CABLES1: variants seen among roughly 807,000 people sequenced by gnomAD.
The protein encoded by CABLES1 is CDK5 and ABL1 enzyme substrate 1.
In CABLES1, 36 loss-of-function variants were observed where a neutral mutation model predicts 57.8. The observed-to-expected ratio is 0.62, with a 90% CI of 0.48 to 0.82. The LOEUF (loss-of-function observed/expected upper bound fraction) is 0.82, where lower values mean the gene tolerates loss of function less well. Among genes scored for constraint, CABLES1 ranks in the 40% least tolerant of loss-of-function variants. The probability of loss-of-function intolerance (pLI) is 0.00; values close to 1 mark genes in which losing one functional copy is unlikely to be tolerated. For missense variants in CABLES1, 767 were observed against 836.6 expected (o/e 0.92, Z 1.03); for synonymous variants, 374 against 363.0 (o/e 1.03, Z -0.35).
At chr18:23,223,504 G>T (rs541388622) in intron 4 of CABLES1, among the ~76,000 whole-genome samples, 2 of 151,684 alleles carry the variant, frequency 1.3e-5, no homozygotes, top group East Asian at 3.9e-4. Context: ...CTTGAGCCCG[G>T]GAGGTGGAGG....
Position 23,135,610 on chromosome 18 carries a change from T to C in CABLES1, c.-153T>C. 2 of 438,892 alleles carry C rather than the reference T, an allele frequency of 4.6e-6. No homozygotes were observed. Among genetic ancestry groups the C allele is most frequent in the Non-Finnish European group, 6.0e-6 (2 of 333,750 alleles). The allele number at this position is 438,892 out of a possible 1,614,324, so 27.2% of individuals were successfully genotyped here. On this transcript the variant is annotated 5_prime_UTR_variant, in exon 1 of 10. An upstream start codon of the reference 5' UTR is lost. Transcript: ENST00000256925. ...CATCCCCAGCACCGAGGGGCGAGCA[T>C]GGCCCGCCCGCGGGGGGGCTGGACC...
intron 4 of CABLES1, among the ~76,000 whole-genome samples, chr18:23,222,544 A>G: frequency 6.8e-6 from 1 of 147,980 alleles, no homozygotes; most frequent in East Asian, 2.0e-4. Context: ...CTCTCTCTCT[A>G]TATATATCTA....
intron 1 of CABLES1, among the ~76,000 whole-genome samples, chr18:23,174,821 C>CAT (rs569579022): frequency 0.082 from 7,674 of 94,090 alleles, 315 homozygotes; most frequent in Non-Finnish European, 0.095. Flanking sequence ...CATGTTACAC[C>CAT]ATATATATAT....
chr18:23,136,976 A>C (rs2046827275), intron 1 of CABLES1, among the ~76,000 whole-genome samples: 1 of 152,118 alleles, frequency 6.6e-6, no homozygotes, highest in African/African-American at 2.4e-5. Context: ...GCGTGGGGCG[A>C]GACTCGGCCG....
At chr18:23,151,608 C>A (rs2046931246) in intron 1 of CABLES1, among the ~76,000 whole-genome samples, 1 of 152,118 alleles carries the variant, frequency 6.6e-6, no homozygotes, top group African/African-American at 2.4e-5. Context: ...GACTGCAGGC[C>A]TGGGGTGAGT....
intron 4 of CABLES1, among the ~76,000 whole-genome samples, chr18:23,234,149 C>T (rs1356254507): frequency 6.6e-6 from 1 of 152,144 alleles, no homozygotes; most frequent in Admixed American, 6.5e-5. Context: ...ACCTGGGAGG[C>T]AGAAGTTGCA....
chr18:23,179,856 T>C (rs1414380642), intron 1 of CABLES1, among the ~76,000 whole-genome samples: 4 of 152,272 alleles, frequency 2.6e-5, no homozygotes, highest in African/African-American at 9.6e-5. Flanking sequence ...AGCTGACTTT[T>C]TTTTCTTCAT....
chr18:23,177,916 G>A (rs909502747), intron 1 of CABLES1, among the ~76,000 whole-genome samples: 1 of 152,192 alleles, frequency 6.6e-6, no homozygotes, highest in African/African-American at 2.4e-5. Context: ...GCTCAGGGAA[G>A]CCCTTTGCAG....
chr18:23,200,267 ATT>A (rs139660615), intron 3 of CABLES1, among the ~76,000 whole-genome samples: 1 of 147,588 alleles, frequency 6.8e-6, no homozygotes, highest in South Asian at 2.2e-4. Context: ...GAGAGGGTAG[ATT>A]TTTTTTTTTA....
intron 7 of CABLES1, among the ~76,000 whole-genome samples, chr18:23,246,436 G>C (rs538856712): frequency 2.6e-5 from 4 of 152,060 alleles, no homozygotes; most frequent in Non-Finnish European, 5.9e-5. Context: ...CTGTCGCCCA[G>C]GCTGAAGTGC....
chr18:23,174,075 G>C (rs116626264), intron 1 of CABLES1, among the ~76,000 whole-genome samples: 1,606 of 152,242 alleles, frequency 0.011, 14 homozygotes, highest in Middle Eastern at 0.031. Flanking sequence ...CCCTCAAAAA[G>C]AAATCCCATG....
At position 23,136,233 on chromosome 18, in the gene CABLES1, G is replaced by A; in HGVS notation, c.471G>A (p.Val157=). ...PPLIPGGHAT[V]SGPGVARGFA... ...TGATTCCTGGCGGCCATGCGACCGT[G>A]TCCGGCCCCGGGGTGGCGCGGGGGT... Residue 157 remains valine (V), a synonymous_variant, in exon 1 of 10, where the codon GTG becomes GTA. Coordinates refer to ENST00000256925, the MANE Select transcript of CABLES1 (RefSeq NM_001100619.3). The A allele has an allele frequency of 7.8e-7, 1 of 1,280,514 alleles. No homozygotes were observed. Among genetic ancestry groups the A allele is most frequent in the Non-Finnish European group, 9.8e-7 (1 of 1,018,070 alleles). 79.3% of individuals were successfully genotyped at this position (1,280,514 alleles called of 1,614,324 possible). A position where few individuals can be genotyped will look rare whatever the true frequency, so the allele number is the denominator to read the frequency against.
chr18:23,155,853 A>T, intron 1 of CABLES1: 1 of 1,612,446 alleles, frequency 6.2e-7, no homozygotes, highest in Non-Finnish European at 8.5e-7. Flanking sequence ...TGTTTGAATG[A>T]CTCATAAAAT....
chr18:23,217,880 G>T (rs2047453652), intron 4 of CABLES1, among the ~76,000 whole-genome samples: 1 of 152,192 alleles, frequency 6.6e-6, no homozygotes, highest in Admixed American at 6.5e-5. Context: ...CGCAGCTGAG[G>T]CACAGTGGGG....
intron 4 of CABLES1, among the ~76,000 whole-genome samples, chr18:23,218,311 C>A (rs961934225): frequency 7.3e-6 from 1 of 137,510 alleles, no homozygotes; most frequent in Admixed American, 7.2e-5. Context: ...CTCCCGCATC[C>A]TCACTTGCCC....
chr18:23,175,650 T>C (rs113948358), intron 1 of CABLES1, among the ~76,000 whole-genome samples: 2,542 of 152,264 alleles, frequency 0.017, 67 homozygotes, highest in African/African-American at 0.059. Flanking sequence ...GGTTTTGCCA[T>C]GTTGCCCAGG....
chr18:23,150,207 G>GTTTTTTTGTTTTTTTTTTTTTT (rs1555658965), intron 1 of CABLES1, among the ~76,000 whole-genome samples: 1 of 106,674 alleles, frequency 9.4e-6, no homozygotes, highest in African/African-American at 4.1e-5. Flanking sequence ...GTTGGTGTTT[G>GTTTTTTTGTTTTTTTTTTTTTT]TTTTTTTTTT....
intron 7 of CABLES1, 127 bp downstream of exon 7, chr18:23,237,372 TG>T: frequency 1.4e-6 from 1 of 716,684 alleles, no homozygotes; most frequent in South Asian, 1.5e-5. Context: ...CTCCCCGGTG[TG>T]GGTGCCCACG....
intron 1 of CABLES1, among the ~76,000 whole-genome samples, chr18:23,162,588 G>C (rs1015057911): frequency 6.6e-6 from 1 of 152,200 alleles, no homozygotes; most frequent in African/African-American, 2.4e-5. Flanking sequence ...TATGGGTAAA[G>C]TTGGGTTAAG....
Sources: allele counts gnomAD v4.1 joint callset (sites outside exome capture counted in the v4.1 genomes callset), GRCh38; gene constraint gnomAD v4.1.1; transcripts MANE v1.5; gene names NCBI Gene and HGNC (gene_info 2026-07-23, HGNC 2026-07-21).